Variants in CYP19A1 observed in about 807,000 individuals in gnomAD.
CYP19A1 encodes the protein aromatase.
CYP19A1 carries 32 observed loss-of-function variants against 44.4 expected under a neutral mutation model. The ratio of observed to expected loss-of-function variants is 0.72; its 90% CI spans 0.54 to 0.97. The LOEUF is 0.97. Ranked by LOEUF, CYP19A1 falls within the 50% of genes least tolerant of loss-of-function variation. The pLI is 0.00. For synonymous variants in CYP19A1, 212 were observed against 215.6 expected, an observed-to-expected ratio of 0.98 and a Z score of 0.14; for missense variants, 598 against 637.8, an observed-to-expected ratio of 0.94 and a Z score of 0.67.
intron 1 of CYP19A1, among the ~76,000 whole-genome samples, chr15:51,278,583 G>A (rs778743154): frequency 1.3e-5 from 2 of 152,232 alleles, no homozygotes; most frequent in South Asian, 2.1e-4. Flanking sequence ...AAAGAAAAAT[G>A]CACTGCTTAG....
intron 1 of CYP19A1, among the ~76,000 whole-genome samples, chr15:51,250,696 G>A (rs1021207221): frequency 5.9e-5 from 9 of 152,180 alleles, no homozygotes; most frequent in African/African-American, 2.2e-4. Context: ...ATTGCATTGG[G>A]GTTGCCTGAC....
chr15:51,252,872 G>A (rs1396564563), intron 1 of CYP19A1, among the ~76,000 whole-genome samples: 2 of 152,206 alleles, frequency 1.3e-5, no homozygotes, highest in African/African-American at 2.4e-5. Flanking sequence ...GATTGCACAA[G>A]TGTTCAGAGG....
intron 1 of CYP19A1, among the ~76,000 whole-genome samples, chr15:51,281,243 ACT>A (rs2035507163): frequency 6.6e-6 from 1 of 152,024 alleles, no homozygotes; most frequent in South Asian, 2.1e-4. Context: ...AGTGACCACA[ACT>A]CTATTCTGTT....
At chr15:51,221,855 T>G (rs1380121567) in intron 5 of CYP19A1, 1 of 170,132 alleles carries the variant, frequency 5.9e-6, no homozygotes, top group African/African-American at 2.4e-5. Context: ...ATATCGTCAT[T>G]TCCATCAGCA....
At chr15:51,298,833 GA>G (rs557800899) in intron 1 of CYP19A1, among the ~76,000 whole-genome samples, 7 of 152,344 alleles carry the variant, frequency 4.6e-5, no homozygotes, top group African/African-American at 1.7e-4. Context: ...AAGGAAGTTA[GA>G]AAAAAGGAGC....
chr15:51,280,353 C>T (rs1423402871), intron 1 of CYP19A1, among the ~76,000 whole-genome samples: 3 of 151,902 alleles, frequency 2.0e-5, no homozygotes, highest in African/African-American at 7.3e-5. Flanking sequence ...CCCCCTTGGC[C>T]TCCCAAAGGG....
chr15:51,309,862 C>T (rs1229544209), intron 1 of CYP19A1, among the ~76,000 whole-genome samples: 2 of 152,162 alleles, frequency 1.3e-5, no homozygotes, highest in East Asian at 3.8e-4. Context: ...ATTCCACTCG[C>T]CCATGAGCTA....
At chr15:51,276,374 G>A (rs1423911576) in intron 1 of CYP19A1, among the ~76,000 whole-genome samples, 3 of 152,146 alleles carry the variant, frequency 2.0e-5, no homozygotes, top group Non-Finnish European at 4.4e-5. Context: ...AAGACACAGT[G>A]ACTCGATTTG....
chr15:51,281,311 A>G (rs918500179), intron 1 of CYP19A1, among the ~76,000 whole-genome samples: 5 of 152,198 alleles, frequency 3.3e-5, no homozygotes, highest in African/African-American at 1.2e-4. Context: ...TGACTAGGTA[A>G]GATTAGAGGC....
intron 1 of CYP19A1, among the ~76,000 whole-genome samples, chr15:51,244,775 C>T (rs548317365): frequency 6.6e-5 from 10 of 152,236 alleles, no homozygotes; most frequent in African/African-American, 2.4e-4. Flanking sequence ...TAGGAACTTC[C>T]AGAGGTATTT....
intron 1 of CYP19A1, among the ~76,000 whole-genome samples, chr15:51,328,663 T>C (rs2036652544): frequency 6.6e-6 from 1 of 151,982 alleles, no homozygotes; most frequent in Non-Finnish European, 1.5e-5. Context: ...CTCCCTGTGA[T>C]GGTTAATTTT....
At chr15:51,269,425 A>C (rs2035045045) in intron 1 of CYP19A1, among the ~76,000 whole-genome samples, 1 of 152,078 alleles carries the variant, frequency 6.6e-6, no homozygotes, top group Admixed American at 6.5e-5. Flanking sequence ...CTATAGCTAT[A>C]GTAGGTCTTG....
chr15:51,210,610 G>A lies in CYP19A1; in HGVS notation c.*198C>T, dbSNP rs370219326. On this transcript the variant is annotated 3_prime_UTR_variant, in exon 10 of 10. Transcript: ENST00000396402. ...ACTCTTGGCCTCTGCTTTTTCTCTT[G>A]TAGCCTGGTTCTCTGGTGTGAACAG... The A allele has an allele frequency of 5.6e-6, 4 of 709,402 alleles. No homozygotes were observed. In the East Asian group the frequency reaches 1.1e-4, roughly 19 times the overall value. 43.9% of individuals were successfully genotyped at this position (709,402 alleles called of 1,614,324 possible). A position where few individuals can be genotyped will look rare whatever the true frequency, so the allele number is the denominator to read the frequency against.
Position 51,256,610 on chromosome 15 carries a change from G to T in CYP19A1, c.-38-13660C>A, listed in dbSNP as rs372690490. Among the ~76,000 whole-genome samples the T allele has an allele frequency of 2.0e-5, 3 of 152,136 alleles. No homozygotes were observed. In the South Asian group the frequency reaches 6.2e-4, roughly 32 times the overall value. ...CAAATACCAAATATACCATTTAATAGACCTGTAACCTTGGCTGGGCAAGTG... is the reference window on the plus strand; with the variant it reads ...CAAATACCAAATATACCATTTAATATACCTGTAACCTTGGCTGGGCAAGTG... On this transcript the variant is annotated intron_variant, in intron 1 of 9. Coordinates refer to ENST00000396402, the MANE Select transcript of CYP19A1 (RefSeq NM_000103.4).
intron 1 of CYP19A1, among the ~76,000 whole-genome samples, chr15:51,332,074 A>G (rs1393179068): frequency 6.6e-6 from 1 of 152,042 alleles, no homozygotes; most frequent in African/African-American, 2.4e-5. Flanking sequence ...TATTGCTTCT[A>G]TTTTACTTAA....
intron 1 of CYP19A1, chr15:51,323,795 C>G (rs2036565915): frequency 6.6e-6 from 1 of 152,166 alleles, no homozygotes; most frequent in Non-Finnish European, 1.5e-5. Context: ...TACTGCATCC[C>G]CTCCCCACCT....
chr15:51,250,199 C>T (rs1349657646), intron 1 of CYP19A1, among the ~76,000 whole-genome samples: 1 of 152,202 alleles, frequency 6.6e-6, no homozygotes, highest in South Asian at 2.1e-4. Flanking sequence ...ATGAAAGGTA[C>T]CTGCTGCTAA....
rs2030591829 is a variant in CYP19A1, at chr15:51,208,419, C to T, written c.*2389G>A. 6.6e-6 allele frequency: 1 copy of T among 152,132 alleles called. No individual in the cohort carries two copies. The highest frequency in any genetic ancestry group is 1.5e-5 in the Non-Finnish European group (1 of 68,020). 9.4% of individuals were successfully genotyped at this position (152,132 alleles called of 1,614,324 possible). A position where few individuals can be genotyped will look rare whatever the true frequency, so the allele number is the denominator to read the frequency against. ...ATAGAGCCCTTATATGCATGCATTT[C>T]ACTGATAATTTACACATTGCAGTTC... On this transcript the variant is annotated 3_prime_UTR_variant, in exon 10 of 10. Transcript: ENST00000396402.
chr15:51,327,426 C>T (rs1053184400), intron 1 of CYP19A1, among the ~76,000 whole-genome samples: 1 of 152,020 alleles, frequency 6.6e-6, no homozygotes, highest in African/African-American at 2.4e-5. Context: ...CTAATGTTCT[C>T]ACCCCCCAAA....
Sources: allele counts gnomAD v4.1 joint callset (sites outside exome capture counted in the v4.1 genomes callset), GRCh38; gene constraint gnomAD v4.1.1; transcripts MANE v1.5; gene names NCBI Gene and HGNC (gene_info 2026-07-23, HGNC 2026-07-21).